The following VSTM4 variants were observed in gnomAD, a reference collection of about 807,000 sequenced individuals.
The protein encoded by VSTM4 is V-set and transmembrane domain-containing protein 4.
VSTM4 carries 20 observed loss-of-function variants against 36.4 expected under a neutral mutation model. The observed-to-expected ratio is 0.55, with a 90% CI of 0.39 to 0.80. The LOEUF is 0.80. Among genes scored for constraint, VSTM4 ranks in the 30% least tolerant of loss-of-function variants. VSTM4 has a pLI of 0.00. For missense variants in VSTM4, 392 were observed against 404.5 expected (o/e 0.97, Z 0.26); for synonymous variants, 182 against 173.9 (o/e 1.05, Z -0.37).
At chr10:49,037,246 G>A (rs1843444930) in intron 7 of VSTM4, among the ~76,000 whole-genome samples, 1 of 152,234 alleles carries the variant, frequency 6.6e-6, no homozygotes, top group Non-Finnish European at 1.5e-5. Context: ...GATCCTGATA[G>A]CGTCGACCCC....
intron 5 of VSTM4, among the ~76,000 whole-genome samples, chr10:49,058,439 C>A (rs1262331581): frequency 6.6e-6 from 1 of 152,146 alleles, no homozygotes; most frequent in Non-Finnish European, 1.5e-5. Context: ...TTTATATCCT[C>A]CAGCTGAGCT....
intron 2 of VSTM4, among the ~76,000 whole-genome samples, chr10:49,098,794 C>T (rs1844618344): frequency 6.6e-6 from 1 of 152,202 alleles, no homozygotes; most frequent in South Asian, 2.1e-4. Context: ...CTGCAAAACC[C>T]CATGTGTTTG....
chr10:49,037,398 C>T (rs750516124), intron 7 of VSTM4, among the ~76,000 whole-genome samples: 1 of 152,230 alleles, frequency 6.6e-6, no homozygotes, highest in Non-Finnish European at 1.5e-5. Context: ...TCTACTTTTC[C>T]AACAAGCTCC....
rs115697081 is a variant in VSTM4, at chr10:49,022,471, A to T, written c.838-2696T>A. 2.6e-3 allele frequency among the ~76,000 whole-genome samples: 401 copies of T among 152,312 alleles called. 1 individual carries two copies. Among genetic ancestry groups the T allele is most frequent in the African/African-American group, 9.0e-3 (374 of 41,572 alleles). On this transcript the variant is annotated intron_variant, in intron 7 of 7. Coordinates refer to ENST00000332853, the MANE Select transcript of VSTM4 (RefSeq NM_001031746.5). ...CGGGAAGTAATAGACAAGGAGAGTTACAAAGAGTTCTTCAAGCCAGCACCT... is the reference window on the plus strand; with the variant it reads ...CGGGAAGTAATAGACAAGGAGAGTTTCAAAGAGTTCTTCAAGCCAGCACCT...
chr10:49,039,713 C>A (rs1843490145), intron 7 of VSTM4, among the ~76,000 whole-genome samples: 1 of 152,118 alleles, frequency 6.6e-6, no homozygotes, highest in South Asian at 2.1e-4. Context: ...TCATTCAACT[C>A]CAAGGTTGAC....
intron 2 of VSTM4, among the ~76,000 whole-genome samples, chr10:49,098,702 A>G (rs1254344613): frequency 6.6e-6 from 1 of 152,096 alleles, no homozygotes; most frequent in African/African-American, 2.4e-5. Context: ...CATCTCCAAC[A>G]TTGCCCTCTC....
intron 7 of VSTM4, among the ~76,000 whole-genome samples, chr10:49,033,044 C>T (rs1182500179): frequency 6.6e-6 from 1 of 151,760 alleles, no homozygotes; most frequent in East Asian, 1.9e-4. Flanking sequence ...ACATAACGAT[C>T]CCACTTCTAA....
At chr10:49,040,325 T>C (rs1403137695) in intron 7 of VSTM4, among the ~76,000 whole-genome samples, 1 of 152,200 alleles carries the variant, frequency 6.6e-6, no homozygotes, top group Non-Finnish European at 1.5e-5. Context: ...CTCTGTCACC[T>C]AGGCTGTAGT....
intron 2 of VSTM4, among the ~76,000 whole-genome samples, chr10:49,107,069 C>T (rs1006158329): frequency 6.6e-6 from 1 of 152,200 alleles, no homozygotes; most frequent in African/African-American, 2.4e-5. Context: ...ATAAGCCAAA[C>T]CTCTCCCTAC....
chr10:49,020,561 C>T (rs182558281), intron 7 of VSTM4, among the ~76,000 whole-genome samples: 123 of 151,952 alleles, frequency 8.1e-4, no homozygotes, highest in African/African-American at 2.8e-3. Context: ...TTTAAAAATG[C>T]TTAAACAAGA....
intron 5 of VSTM4, among the ~76,000 whole-genome samples, chr10:49,061,289 T>TA (rs1222667659): frequency 2.0e-5 from 3 of 152,202 alleles, no homozygotes; most frequent in Non-Finnish European, 4.4e-5. Context: ...GAGGCTTGTT[T>TA]TTCAGCCCAG....
intron 5 of VSTM4, among the ~76,000 whole-genome samples, chr10:49,060,091 G>C (rs2131973158): frequency 6.6e-6 from 1 of 152,244 alleles, no homozygotes; most frequent in East Asian, 1.9e-4. Flanking sequence ...TATTCATTTT[G>C]TTTTCCAATT....
At chr10:49,089,020 G>A (rs1410159704) in intron 2 of VSTM4, among the ~76,000 whole-genome samples, 1 of 152,228 alleles carries the variant, frequency 6.6e-6, no homozygotes, top group Non-Finnish European at 1.5e-5. Flanking sequence ...AATCCCCTGG[G>A]TGAAATGTAT....
intron 7 of VSTM4, among the ~76,000 whole-genome samples, chr10:49,038,671 T>G (rs1843470162): frequency 6.6e-6 from 1 of 152,160 alleles, no homozygotes; most frequent in Non-Finnish European, 1.5e-5. Flanking sequence ...CCATGCACAC[T>G]GAGGTGTGGG....
chr10:49,110,954 G>A (rs1317570481), intron 1 of VSTM4, among the ~76,000 whole-genome samples: 1 of 152,220 alleles, frequency 6.6e-6, no homozygotes, highest in Non-Finnish European at 1.5e-5. Context: ...GCACCAGGAG[G>A]TGGGTGGTGT....
chr10:49,105,007 A>G (rs981131342), intron 2 of VSTM4, among the ~76,000 whole-genome samples: 6 of 30,142 alleles, frequency 2.0e-4, no homozygotes, highest in African/African-American at 1.1e-3. Flanking sequence ...ACAGAGAGAG[A>G]GACAGAGAGA....
At chr10:49,067,157 G>T (rs1037689828) in intron 4 of VSTM4, among the ~76,000 whole-genome samples, 2 of 152,210 alleles carry the variant, frequency 1.3e-5, no homozygotes, top group South Asian at 2.1e-4. Context: ...TACATCTTTC[G>T]CAACAATTTA....
intron 2 of VSTM4, among the ~76,000 whole-genome samples, chr10:49,088,032 T>C (rs928336541): frequency 2.0e-5 from 3 of 148,864 alleles, no homozygotes; most frequent in African/African-American, 7.4e-5. Flanking sequence ...CATATATATG[T>C]AATTATATAA....
At chr10:49,037,784 T>A (rs988664126) in intron 7 of VSTM4, among the ~76,000 whole-genome samples, 4 of 152,254 alleles carry the variant, frequency 2.6e-5, no homozygotes, top group African/African-American at 7.2e-5. Context: ...TCTCTTTTTT[T>A]AAAAATGGTC....
Sources: allele counts gnomAD v4.1 joint callset (sites outside exome capture counted in the v4.1 genomes callset), GRCh38; gene constraint gnomAD v4.1.1; transcripts MANE v1.5; gene names NCBI Gene and HGNC (gene_info 2026-07-23, HGNC 2026-07-21).